Variants in FIP1L1 observed in about 807,000 individuals in gnomAD.
FIP1L1 encodes the protein factor interacting with PAPOLA and CPSF1.
Under a neutral mutation model 84.6 loss-of-function variants are expected in FIP1L1, and 21 were observed. The observed-to-expected ratio is 0.25, with a 90% CI of 0.18 to 0.36. The LOEUF (loss-of-function observed/expected upper bound fraction) is 0.36. Among genes scored for constraint, FIP1L1 ranks in the 10% least tolerant of loss-of-function variants. The pLI is 1.00. For missense variants in FIP1L1, 526 were observed against 751.1 expected (o/e 0.70, Z 3.50); for synonymous variants, 263 against 242.3 (o/e 1.09, Z -0.80).
At chr4:53,402,348 G>C (rs1376751903) in intron 10 of FIP1L1, among the ~76,000 whole-genome samples, 1 of 152,090 alleles carries the variant, frequency 6.6e-6, no homozygotes, top group South Asian at 2.1e-4. Context: ...CCAGAGAAAT[G>C]TGACAGTATC....
intron 10 of FIP1L1, among the ~76,000 whole-genome samples, chr4:53,401,473 AG>A (rs1292822672): frequency 6.6e-6 from 1 of 152,212 alleles, no homozygotes; most frequent in African/African-American, 2.4e-5. Flanking sequence ...GAAAACAGGG[AG>A]GCCAGTTAGG....
At chr4:53,437,757 G>T (rs372861796) in intron 13 of FIP1L1, among the ~76,000 whole-genome samples, 1 of 151,452 alleles carries the variant, frequency 6.6e-6, no homozygotes, top group South Asian at 2.1e-4. Flanking sequence ...ATGGAGTCTC[G>T]CTCTGTTGCC....
At chr4:53,394,129 A>C (rs1295967380) in intron 9 of FIP1L1, among the ~76,000 whole-genome samples, 1 of 151,914 alleles carries the variant, frequency 6.6e-6, no homozygotes, top group Non-Finnish European at 1.5e-5. Context: ...GTAGCATCTT[A>C]TTATTCATGC....
intron 6 of FIP1L1, 149 bp downstream of exon 6, chr4:53,390,022 T>G (rs1743333130): frequency 1.7e-6 from 1 of 582,782 alleles, no homozygotes; most frequent in Non-Finnish European, 2.9e-6. Flanking sequence ...CACTGCAACC[T>G]CCGTCTCCTG....
chr4:53,445,143 T>TA (rs1444836199), intron 15 of FIP1L1, among the ~76,000 whole-genome samples: 1 of 152,184 alleles, frequency 6.6e-6, no homozygotes, highest in Non-Finnish European at 1.5e-5. Context: ...TGCAGGACGT[T>TA]ATAGCCATGC....
At chr4:53,423,903 G>T (rs1165659543) in intron 11 of FIP1L1, among the ~76,000 whole-genome samples, 1 of 152,116 alleles carries the variant, frequency 6.6e-6, no homozygotes, top group African/African-American at 2.4e-5. Context: ...ATACTTCCAT[G>T]TGTCCCAGAC....
chr4:53,384,553 C>T (rs1332972110), intron 5 of FIP1L1, among the ~76,000 whole-genome samples: 1 of 152,116 alleles, frequency 6.6e-6, no homozygotes, highest in Non-Finnish European at 1.5e-5. Flanking sequence ...CTAATAAAAA[C>T]AATATCAAAA....
chr4:53,444,236 G>C, intron 15 of FIP1L1, 133 bp downstream of exon 15: 4 of 574,682 alleles, frequency 7.0e-6, no homozygotes, highest in South Asian at 2.5e-5. Context: ...ACAGGAATGA[G>C]TGGTCTATGT....
intron 10 of FIP1L1, 138 bp from the exon 11 acceptor site, chr4:53,414,477 T>C: frequency 3.7e-6 from 2 of 546,002 alleles, no homozygotes; most frequent in Non-Finnish European, 6.7e-6. Flanking sequence ...GCAAGTAGTT[T>C]ATATGACTTG....
rs1313787985 is a variant in FIP1L1 at position 53,383,686 on chromosome 4, A to G, written c.229-87A>G. On this transcript the variant is annotated intron_variant, in intron 4 of 17. Coordinates refer to ENST00000337488, the MANE Select transcript of FIP1L1 (RefSeq NM_030917.4). Reference sequence around the variant, plus strand: ...CAAGACAGAAGAAAGAAAAAAAAAAACAGGGTGGTTACTTTTTTTAGTTAT... The same window carrying G: ...CAAGACAGAAGAAAGAAAAAAAAAAGCAGGGTGGTTACTTTTTTTAGTTAT... The G allele has an allele frequency of 1.8e-5, 24 of 1,313,840 alleles. 1 individual carries two copies. In the East Asian group the frequency reaches 3.9e-4, roughly 21 times the overall value. 81.4% of individuals were successfully genotyped at this position (1,313,840 alleles called of 1,614,324 possible).
chr4:53,407,558 G>A (rs531833362), intron 10 of FIP1L1, among the ~76,000 whole-genome samples: 22 of 151,182 alleles, frequency 1.5e-4, no homozygotes, highest in African/African-American at 4.8e-4. Context: ...CAAGTCCTGG[G>A]TATCCTTGTT....
intron 10 of FIP1L1, among the ~76,000 whole-genome samples, chr4:53,413,683 T>C (rs905292753): frequency 2.6e-4 from 40 of 152,128 alleles, no homozygotes; most frequent in Admixed American, 3.3e-4. Context: ...ATAATTCAGA[T>C]ATTGGGTTCA....
chr4:53,422,416 AT>A (rs1332056059), intron 11 of FIP1L1, among the ~76,000 whole-genome samples: 3 of 151,882 alleles, frequency 2.0e-5, no homozygotes, highest in African/African-American at 7.2e-5. Context: ...TTGTACTCAT[AT>A]TTTCTCTTAG....
At chr4:53,408,146 C>T (rs1206207005) in intron 10 of FIP1L1, among the ~76,000 whole-genome samples, 1 of 152,156 alleles carries the variant, frequency 6.6e-6, no homozygotes, top group South Asian at 2.1e-4. Context: ...TTGTTCCTTT[C>T]CAAGTTTAGT....
chr4:53,418,949 A>G (rs1389037291), intron 11 of FIP1L1, among the ~76,000 whole-genome samples: 2 of 152,186 alleles, frequency 1.3e-5, no homozygotes, highest in Non-Finnish European at 2.9e-5. Context: ...GGGGCATTTG[A>G]TCAAGTGCTC....
At chr4:53,389,546 G>A (rs772743149) in intron 5 of FIP1L1, among the ~76,000 whole-genome samples, 16 of 152,054 alleles carry the variant, frequency 1.1e-4, no homozygotes, top group Non-Finnish European at 2.2e-4. Context: ...AGCTGGGCAC[G>A]GTGGCTCACT....
At chr4:53,386,016 T>C (rs2149324318) in intron 5 of FIP1L1, among the ~76,000 whole-genome samples, 1 of 151,794 alleles carries the variant, frequency 6.6e-6, no homozygotes, top group South Asian at 2.1e-4. Flanking sequence ...TATTGTAAAT[T>C]GTTAGGAAAT....
chr4:53,381,909 C>T (rs1421473528), intron 3 of FIP1L1, among the ~76,000 whole-genome samples: 1 of 150,894 alleles, frequency 6.6e-6, no homozygotes, highest in Non-Finnish European at 1.5e-5. Flanking sequence ...ATTACAGGTG[C>T]CCGCCACCAT....
At chr4:53,420,427 C>CT (rs1472741072) in intron 11 of FIP1L1, among the ~76,000 whole-genome samples, 1 of 80,458 alleles carries the variant, frequency 1.2e-5, no homozygotes, top group African/African-American at 4.0e-5. Flanking sequence ...GAAACTCCAT[C>CT]TCAAAAAAAA....
Sources: gnomAD v4.1 joint callset for allele counts (sites outside exome capture counted in the v4.1 genomes callset) on GRCh38, gnomAD v4.1.1 for gene constraint, MANE v1.5 for transcripts, NCBI Gene and HGNC (gene_info 2026-07-23, HGNC 2026-07-21) for gene names.